Variants in SPAG16 observed in about 807,000 individuals in gnomAD.
SPAG16 encodes the protein sperm associated antigen 16, also known as sperm-associated antigen 16 protein.
In SPAG16, 86 loss-of-function variants were observed where a neutral mutation model predicts 80.4. The ratio of observed to expected loss-of-function variants is 1.07; its 90% CI spans 0.90 to 1.28. The LOEUF (loss-of-function observed/expected upper bound fraction) is 1.28, where lower values mean the gene tolerates loss of function less well. Among genes scored for constraint, SPAG16 ranks in the 50% most tolerant of loss-of-function variants. The pLI is 0.00. For missense variants in SPAG16, 870 were observed against 765.3 expected (o/e 1.14, Z -1.61); for synonymous variants, 294 against 265.9 (o/e 1.11, Z -1.03).
At chr2:213,714,386 C>T (rs935921857) in intron 10 of SPAG16, among the ~76,000 whole-genome samples, 5 of 152,112 alleles carry the variant, frequency 3.3e-5, no homozygotes, top group African/African-American at 9.7e-5. Context: ...CAAGAAAGAA[C>T]TTAGGTGTTC....
chr2:214,062,418 C>CAAAAA (rs56693089), intron 13 of SPAG16, among the ~76,000 whole-genome samples: 2 of 55,398 alleles, frequency 3.6e-5, no homozygotes, highest in African/African-American at 6.4e-5. Flanking sequence ...GACTCTGACT[C>CAAAAA]AAAAAAAAAA....
chr2:213,370,842 G>T (rs2066590252), intron 8 of SPAG16, among the ~76,000 whole-genome samples: 1 of 152,176 alleles, frequency 6.6e-6, no homozygotes, highest in African/African-American at 2.4e-5. Context: ...TATTTGATCT[G>T]TGATATTTTG....
intron 15 of SPAG16, among the ~76,000 whole-genome samples, chr2:214,344,088 A>G (rs1236468030): frequency 2.0e-5 from 3 of 152,160 alleles, no homozygotes; most frequent in Non-Finnish European, 4.4e-5. Flanking sequence ...ACATTCATCA[A>G]GTACCATTTA....
intron 11 of SPAG16, among the ~76,000 whole-genome samples, chr2:213,898,852 A>G (rs1413245610): frequency 6.6e-6 from 1 of 152,176 alleles, no homozygotes; most frequent in East Asian, 1.9e-4. Context: ...TCTTATCAAT[A>G]GAAATTCAAC....
At chr2:214,061,437 T>C (rs1399760446) in intron 13 of SPAG16, among the ~76,000 whole-genome samples, 1 of 152,166 alleles carries the variant, frequency 6.6e-6, no homozygotes, top group African/African-American at 2.4e-5. Flanking sequence ...ACTTTAAGAA[T>C]TGATTGTGGA....
chr2:213,560,887 G>C (rs2059579812), intron 10 of SPAG16, among the ~76,000 whole-genome samples: 1 of 152,194 alleles, frequency 6.6e-6, no homozygotes, highest in South Asian at 2.1e-4. Flanking sequence ...TGGGGGAGAT[G>C]GAGTCTTGCT....
At chr2:213,577,811 G>A (rs1019774296) in intron 10 of SPAG16, among the ~76,000 whole-genome samples, 2 of 152,088 alleles carry the variant, frequency 1.3e-5, no homozygotes, top group African/African-American at 4.8e-5. Context: ...GGAGACAAAT[G>A]CTGAGACTTC....
At chr2:213,961,785 A>G (rs761094041) in intron 12 of SPAG16, among the ~76,000 whole-genome samples, 1 of 151,948 alleles carries the variant, frequency 6.6e-6, no homozygotes, top group Non-Finnish European at 1.5e-5. Flanking sequence ...GTTTGCTAAT[A>G]TTTTGTTGAG....
chr2:213,374,874 G>A (rs1209718544), intron 8 of SPAG16, 136 bp from the exon 9 acceptor site: 2 of 627,442 alleles, frequency 3.2e-6, no homozygotes, highest in Admixed American at 6.5e-5. Flanking sequence ...ATTTGGTATG[G>A]TTTGGGTATC....
intron 14 of SPAG16, among the ~76,000 whole-genome samples, chr2:214,148,540 A>G (rs997448005): frequency 6.6e-6 from 1 of 152,150 alleles, no homozygotes; most frequent in African/African-American, 2.4e-5. Context: ...TACAATAGGC[A>G]CCATTTCATT....
chr2:213,343,267 C>T (rs561176717), intron 6 of SPAG16, among the ~76,000 whole-genome samples: 13 of 152,202 alleles, frequency 8.5e-5, no homozygotes, highest in African/African-American at 2.6e-4. Context: ...ATATCCTCCA[C>T]AAGCCATGCC....
chr2:214,083,464 G>C (rs1197959280), intron 13 of SPAG16, among the ~76,000 whole-genome samples: 3 of 151,968 alleles, frequency 2.0e-5, no homozygotes, highest in Non-Finnish European at 4.4e-5. Flanking sequence ...CTTAGATTTG[G>C]GTTTCCAATC....
At chr2:214,090,437 G>T (rs75854726) in intron 13 of SPAG16, among the ~76,000 whole-genome samples, 1 of 151,810 alleles carries the variant, frequency 6.6e-6, no homozygotes, top group South Asian at 2.1e-4. Context: ...CTCAGAGAGA[G>T]GCACCTTCAC....
At chr2:213,389,961 A>C (rs550612226) in intron 9 of SPAG16, among the ~76,000 whole-genome samples, 1 of 152,336 alleles carries the variant, frequency 6.6e-6, no homozygotes, top group South Asian at 2.1e-4. Context: ...TACTCACAGT[A>C]GCTGAAACAT....
At chr2:213,643,678 G>C (rs375594531) in intron 10 of SPAG16, among the ~76,000 whole-genome samples, 1 of 147,006 alleles carries the variant, frequency 6.8e-6, no homozygotes, top group African/African-American at 2.5e-5. Context: ...TCTAGATCCT[G>C]TAGGCGCCCT....
intron 15 of SPAG16, among the ~76,000 whole-genome samples, chr2:214,213,211 C>T (rs1359692171): frequency 6.6e-6 from 1 of 152,144 alleles, no homozygotes; most frequent in Non-Finnish European, 1.5e-5. Flanking sequence ...AATGCATGCA[C>T]CATATTATGT....
intron 10 of SPAG16, among the ~76,000 whole-genome samples, chr2:213,508,773 T>G (rs2075088103): frequency 1.3e-5 from 2 of 150,076 alleles, no homozygotes; most frequent in East Asian, 2.0e-4. Context: ...GTTGTGGGGT[T>G]GGGGGAGTGG....
At chr2:214,271,266 TTTTTTAGCTTTG>T (rs1225943140) in intron 15 of SPAG16, among the ~76,000 whole-genome samples, 3 of 152,180 alleles carry the variant, frequency 2.0e-5, no homozygotes, top group Non-Finnish European at 4.4e-5. Context: ...AAAAAAAGAA[TTTTTTAGCTTTG>T]TTTTTATTCA....
intron 10 of SPAG16, among the ~76,000 whole-genome samples, chr2:213,585,580 AT>A (rs2060444121): frequency 6.6e-6 from 1 of 152,110 alleles, no homozygotes; most frequent in Non-Finnish European, 1.5e-5. Context: ...TGGCAGAAAG[AT>A]TTTTTAGAAG....
Sources: allele counts gnomAD v4.1 joint callset (sites outside exome capture counted in the v4.1 genomes callset), GRCh38; gene constraint gnomAD v4.1.1; transcripts MANE v1.5; gene names NCBI Gene and HGNC (gene_info 2026-07-23, HGNC 2026-07-21).